CUX2: variants seen among roughly 807,000 people sequenced by gnomAD.
CUX2 encodes the protein homeobox protein cut-like 2.
CUX2 carries 40 observed loss-of-function variants against 144.8 expected under a neutral mutation model. That is an observed-to-expected ratio of 0.28 (90% CI 0.21 to 0.36). The LOEUF (loss-of-function observed/expected upper bound fraction) is 0.36, where lower values mean the gene tolerates loss of function less well. CUX2 is among the 10% of genes least tolerant of loss of function. The pLI, the probability that CUX2 is intolerant of heterozygous loss-of-function variation, is 1.00. For missense variants in CUX2, 1,615 were observed against 1,994.0 expected (o/e 0.81, Z 3.62); for synonymous variants, 827 against 875.6 (o/e 0.94, Z 0.98).
intron 1 of CUX2, among the ~76,000 whole-genome samples, chr12:111,072,991 C>T (rs534135742): frequency 6.6e-6 from 1 of 152,244 alleles, no homozygotes; most frequent in Admixed American, 6.5e-5. Flanking sequence ...AAAAATGGTC[C>T]ACTTAAGAGA....
rs989290859 is a variant in CUX2 at position 111,263,220 on chromosome 12, G to A, written c.223-541G>A. ...AGGTGCGGTGGTGGCCTGTAATCCC[G>A]GCACTTTGGGAGGCCGAGGCAGGGG... On this transcript the variant is annotated intron_variant, in intron 3 of 21. Transcript: ENST00000261726. This position sits in a 1 kb window ranked among gnomAD's most constrained non-coding sequence, Gnocchi z 4.0. 5.3e-5 allele frequency among the ~76,000 whole-genome samples: 8 copies of A among 151,968 alleles called. No individual in the cohort carries two copies. Among genetic ancestry groups the A allele is most frequent in the South Asian group, 2.1e-4 (1 of 4,810 alleles).
chr12:111,039,145 A>C lies in CUX2; in HGVS notation c.63+4905A>C, dbSNP rs1191959458. ...CTGTGGTTTTCTGTGCTGCTTCTGA[A>C]AGGGCTGAATTTCCGGTGGCTTCCT... On this transcript the variant is annotated intron_variant, in intron 1 of 21. Coordinates refer to ENST00000261726, the MANE Select transcript of CUX2 (RefSeq NM_015267.4). The surrounding 1 kb of genome is among the most constrained non-coding windows in gnomAD (Gnocchi z 4.2). Among the ~76,000 whole-genome samples the C allele has an allele frequency of 6.6e-6, 1 of 152,042 alleles. No homozygotes were observed. Among genetic ancestry groups the C allele is most frequent in the East Asian group, 1.9e-4 (1 of 5,176 alleles).
intron 1 of CUX2, among the ~76,000 whole-genome samples, chr12:111,123,340 G>A (rs539904247): frequency 3.9e-5 from 6 of 152,134 alleles, no homozygotes; most frequent in South Asian, 2.1e-4. Context: ...ACACCACCAC[G>A]CCCAGCTAAT....
Position 111,246,896 on chromosome 12 carries a change from C to T in CUX2, c.223-16865C>T, listed in dbSNP as rs984889111. On this transcript the variant is annotated intron_variant, in intron 3 of 21. Transcript: ENST00000261726. This position sits in a 1 kb window ranked among gnomAD's most constrained non-coding sequence, Gnocchi z 4.0. The stretch of plus-strand genomic sequence containing the variant: ...CTCAAAGCGCTGCTTCCCTGCCACC[C>T]TCTGCTGTGGTCTATGTCTTTCTGA... 1.3e-5 allele frequency among the ~76,000 whole-genome samples: 2 copies of T among 152,168 alleles called. No individual in the cohort carries two copies. The highest frequency in any genetic ancestry group is 2.9e-5 in the Non-Finnish European group (2 of 68,032).
chr12:111,251,921 T>A (rs1259912742), intron 3 of CUX2, among the ~76,000 whole-genome samples: 1 of 152,126 alleles, frequency 6.6e-6, no homozygotes, highest in African/African-American at 2.4e-5. Context: ...GGCTCACACG[T>A]GTAATCCCGG....
At chr12:111,084,064 G>T (rs984199332) in intron 1 of CUX2, among the ~76,000 whole-genome samples, 1 of 152,164 alleles carries the variant, frequency 6.6e-6, no homozygotes, top group African/African-American at 2.4e-5. Flanking sequence ...ACATGGGGAA[G>T]TGTGAGGGAA....
intron 3 of CUX2, among the ~76,000 whole-genome samples, chr12:111,250,139 C>G (rs1592881963): frequency 6.6e-6 from 1 of 152,250 alleles, no homozygotes; most frequent in East Asian, 1.9e-4. Context: ...GAGCCCACCC[C>G]CTTTCCCTTC....
Position 111,263,494 on chromosome 12 carries a change from A to G in CUX2, c.223-267A>G, listed in dbSNP as rs1884230724. Among the ~76,000 whole-genome samples, 1 of 152,132 alleles carries G rather than the reference A, an allele frequency of 6.6e-6. No homozygotes were observed. Among genetic ancestry groups the G allele is most frequent in the Non-Finnish European group, 1.5e-5 (1 of 68,032 alleles). The stretch of plus-strand genomic sequence containing the variant: ...GGTGGCAGGCACCTGTAGTGGTAGC[A>G]GGCACCTGTAATCCCAGCTACTCAG... On this transcript the variant is annotated intron_variant, in intron 3 of 21. Coordinates refer to ENST00000261726, the MANE Select transcript of CUX2 (RefSeq NM_015267.4). The surrounding 1 kb of genome is among the most constrained non-coding windows in gnomAD (Gnocchi z 4.0).
rs139468571 is a variant in CUX2, at chr12:111,163,607, T to A, written c.64-50593T>A. ...AGAAAGAGATCAAACCCTGCCAAGG[T>A]TGTTTGAACTGCTGGATCCAGCCAT... On this transcript the variant is annotated intron_variant, in intron 1 of 21. Coordinates refer to ENST00000261726, the MANE Select transcript of CUX2 (RefSeq NM_015267.4). Among the ~76,000 whole-genome samples, 548 of 152,210 alleles carry A rather than the reference T, an allele frequency of 3.6e-3. 3 individuals carry two copies. The highest frequency in any genetic ancestry group is 0.012 in the African/African-American group (513 of 41,534).
intron 1 of CUX2, among the ~76,000 whole-genome samples, chr12:111,065,058 ACCAGT>A (rs1444409931): frequency 6.6e-6 from 1 of 152,162 alleles, no homozygotes; most frequent in Non-Finnish European, 1.5e-5. Flanking sequence ...TCTATGGTAG[ACCAGT>A]TCCCCATGTG....
rs1883341555 is a variant in CUX2 at position 111,247,649 on chromosome 12, C to T, written c.223-16112C>T. 2.6e-5 allele frequency among the ~76,000 whole-genome samples: 4 copies of T among 152,228 alleles called. No homozygotes were observed. In the South Asian group the frequency reaches 8.3e-4, roughly 32 times the overall value. On this transcript the variant is annotated intron_variant, in intron 3 of 21. Transcript: ENST00000261726. The stretch of plus-strand genomic sequence containing the variant: ...CCTGGCATGTAGACCCTGGACAGCC[C>T]CAAGTCTCAAGAGGGCGCCTGTTGC...
At chr12:111,331,072 TG>T (rs1466198351) in intron 18 of CUX2, among the ~76,000 whole-genome samples, 1 of 151,364 alleles carries the variant, frequency 6.6e-6, no homozygotes, top group Non-Finnish European at 1.5e-5. Context: ...CCTAGATGTT[TG>T]TGAAGGGGAG....
chr12:111,224,973 G>A (rs572139841), intron 3 of CUX2, among the ~76,000 whole-genome samples: 5 of 152,096 alleles, frequency 3.3e-5, no homozygotes, highest in South Asian at 2.1e-4. Flanking sequence ...TGGTGCATTC[G>A]CAGCTCACTG....
intron 3 of CUX2, among the ~76,000 whole-genome samples, chr12:111,224,938 C>G (rs959122413): frequency 6.6e-6 from 1 of 152,126 alleles, no homozygotes; most frequent in African/African-American, 2.4e-5. Flanking sequence ...GACAGAGTTG[C>G]TCTGTTTCCC....
chr12:111,124,841 T>G (rs1874942503), intron 1 of CUX2, among the ~76,000 whole-genome samples: 1 of 152,222 alleles, frequency 6.6e-6, no homozygotes, highest in Non-Finnish European at 1.5e-5. Context: ...GCTATTTTGA[T>G]GTCCATGAGT....
chr12:111,126,053 C>CG lies in CUX2; in HGVS notation c.64-88145dup, dbSNP rs200305369. 7.9e-3 allele frequency among the ~76,000 whole-genome samples: 1,090 copies of CG among 138,750 alleles called. 26 individuals are homozygous for CG. Among genetic ancestry groups the CG allele is most frequent in the African/African-American group, 0.032 (1,018 of 32,074 alleles). 91.0% of individuals were successfully genotyped at this position (138,750 alleles called of 152,430 possible). ...ATGTGGGGTGGTGGCGTGGGGGGGGCGGATTTATTATAAGGAATTGGCTCA... is the reference window on the plus strand; with the variant it reads ...ATGTGGGGTGGTGGCGTGGGGGGGGCGGGATTTATTATAAGGAATTGGCTCA... On this transcript the variant is annotated intron_variant, in intron 1 of 21. Transcript: ENST00000261726.
intron 4 of CUX2, among the ~76,000 whole-genome samples, chr12:111,284,122 G>C (rs527627031): frequency 6.6e-6 from 1 of 152,072 alleles, no homozygotes; most frequent in Non-Finnish European, 1.5e-5. Flanking sequence ...TCAACCCTGA[G>C]GGTGTCTCAT....
intron 3 of CUX2, among the ~76,000 whole-genome samples, chr12:111,253,633 C>T (rs888060814): frequency 4.6e-5 from 7 of 152,152 alleles, no homozygotes; most frequent in Non-Finnish European, 7.3e-5. Context: ...TAGGTGTTTG[C>T]GCCAGTCTTG....
intron 1 of CUX2, among the ~76,000 whole-genome samples, chr12:111,197,376 G>A (rs192514184): frequency 6.6e-6 from 1 of 152,314 alleles, no homozygotes; most frequent in African/African-American, 2.4e-5. Flanking sequence ...ATCCTCATCC[G>A]TGAAAGCTGG....
Sources: allele counts gnomAD v4.1 joint callset (sites outside exome capture counted in the v4.1 genomes callset), GRCh38; gene constraint gnomAD v4.1.1; non-coding constraint Gnocchi (gnomAD v3.1); transcripts MANE v1.5; gene names NCBI Gene and HGNC (gene_info 2026-07-23, HGNC 2026-07-21).